QRICH1: variants seen among roughly 807,000 people sequenced by gnomAD.
QRICH1 encodes transcriptional regulator QRICH1.
In QRICH1, 16 loss-of-function variants were observed where a neutral mutation model predicts 87.1. The observed-to-expected ratio is 0.18, with a 90% CI of 0.12 to 0.28. The LOEUF is 0.28. Ranked by LOEUF, QRICH1 falls within the 10% of genes least tolerant of loss-of-function variation. QRICH1 has a pLI of 1.00. For synonymous variants in QRICH1, 367 were observed against 368.4 expected, an observed-to-expected ratio of 1.00 and a Z score of 0.05; for missense variants, 647 against 951.7, an observed-to-expected ratio of 0.68 and a Z score of 4.21.
chr3:49,056,756 G>GT, intron 3 of QRICH1, 106 bp downstream of exon 3: 1 of 1,525,396 alleles, frequency 6.6e-7, no homozygotes, highest in Non-Finnish European at 9.0e-7. Context: ...CTGCATCACT[G>GT]TAAGAGTAAC....
At chr3:49,083,689 T>C (rs1468057323) in intron 1 of QRICH1, among the ~76,000 whole-genome samples, 1 of 151,558 alleles carries the variant, frequency 6.6e-6, no homozygotes, top group African/African-American at 2.4e-5. Context: ...GATGGCTTGA[T>C]CCCAGCAGTT....
At chr3:49,067,930 G>A (rs1221271948) in intron 2 of QRICH1, among the ~76,000 whole-genome samples, 5 of 150,322 alleles carry the variant, frequency 3.3e-5, no homozygotes, top group African/African-American at 9.8e-5. Context: ...CAGCCCAGGC[G>A]ATAGAGCGAG....
At chr3:49,038,227 A>T (rs1490440164) in intron 6 of QRICH1, among the ~76,000 whole-genome samples, 1 of 151,082 alleles carries the variant, frequency 6.6e-6, no homozygotes, top group Non-Finnish European at 1.5e-5. Context: ...CGCCCAGCTA[A>T]TTTTTTTGTA....
chr3:49,065,422 A>C (rs2093462166), intron 2 of QRICH1, among the ~76,000 whole-genome samples: 1 of 152,222 alleles, frequency 6.6e-6, no homozygotes, highest in South Asian at 2.1e-4. Context: ...TTAGGATTAC[A>C]GGCGTAAGCC....
intron 1 of QRICH1, 63 bp downstream of exon 1, chr3:49,093,849 G>A (rs1419925019): frequency 2.7e-6 from 1 of 371,990 alleles, no homozygotes; most frequent in African/African-American, 2.1e-5. Flanking sequence ...CCGTTGTGTG[G>A]GGTGGGCCCC....
Position 49,094,052 on chromosome 3 carries a change from A to G in QRICH1, c.-162T>C, listed in dbSNP as rs567091032. ...CACAGCTCCCTGGGCGCCATCTTAC[A>G]TTCAACCCTCACAGCCAATAGGAGC... is the stretch of plus-strand genomic sequence containing the variant. On this transcript the variant is annotated 5_prime_UTR_variant, in exon 1 of 10. The change abolishes an upstream ATG in the 5' untranslated region. Coordinates refer to ENST00000395443, the MANE Select transcript of QRICH1 (RefSeq NM_198880.3). 55 of 398,558 alleles carry G rather than the reference A, an allele frequency of 1.4e-4. No individual in the cohort carries two copies. The highest frequency in any genetic ancestry group is 2.5e-4 in the South Asian group (2 of 7,876). The allele number at this position is 398,558 out of a possible 1,614,324, so 24.7% of individuals were successfully genotyped here.
intron 6 of QRICH1, among the ~76,000 whole-genome samples, chr3:49,037,170 G>A (rs923798195): frequency 7.2e-6 from 1 of 138,746 alleles, no homozygotes; most frequent in African/African-American, 2.7e-5. Flanking sequence ...AACCCATAAA[G>A]AATCAATGGA....
At chr3:49,069,543 A>AT (rs372639913) in intron 2 of QRICH1, among the ~76,000 whole-genome samples, 83,635 of 122,878 alleles carry the variant, frequency 0.68, 29,042 homozygotes, top group East Asian at 0.97. Flanking sequence ...ATGGGGGGGA[A>AT]TTTTTTTTTT....
chr3:49,091,373 A>G (rs969189361), intron 1 of QRICH1, among the ~76,000 whole-genome samples: 2 of 152,202 alleles, frequency 1.3e-5, no homozygotes, highest in Non-Finnish European at 2.9e-5. Flanking sequence ...AGTATAAACC[A>G]CAACTAATTA....
chr3:49,047,361 T>C, intron 3 of QRICH1, 115 bp from the exon 4 acceptor site: 1 of 1,009,302 alleles, frequency 9.9e-7, no homozygotes, highest in Non-Finnish European at 1.4e-6. Flanking sequence ...ATTTCTCTAC[T>C]CATTGCTGTC....
chr3:49,085,956 GAAATT>G (rs1216456369), intron 1 of QRICH1, among the ~76,000 whole-genome samples: 1 of 151,920 alleles, frequency 6.6e-6, no homozygotes, highest in Non-Finnish European at 1.5e-5. Flanking sequence ...AAGCAATAAA[GAAATT>G]AATTAAAGTA....
At chr3:49,090,628 C>CAA (rs35351750) in intron 1 of QRICH1, among the ~76,000 whole-genome samples, 23,527 of 119,180 alleles carry the variant, frequency 0.2, 2,799 homozygotes, top group Non-Finnish European at 0.27. Context: ...AACTCCATCT[C>CAA]AAAAAAAAAA....
At chr3:49,090,808 A>G (rs952416684) in intron 1 of QRICH1, among the ~76,000 whole-genome samples, 1 of 152,212 alleles carries the variant, frequency 6.6e-6, no homozygotes, top group Non-Finnish European at 1.5e-5. Context: ...CATCAATTTA[A>G]TAACAGAAAT....
Position 49,089,598 on chromosome 3 carries a change from A to G in QRICH1, c.-22+4314T>C, listed in dbSNP as rs1043910776. Among the ~76,000 whole-genome samples, 6 of 152,340 alleles carry G rather than the reference A, an allele frequency of 3.9e-5. No individual in the cohort carries two copies. In the South Asian group the frequency reaches 1.2e-3, roughly 32 times the overall value. On this transcript the variant is annotated intron_variant, in intron 1 of 9. Transcript: ENST00000395443. ...AAAGCTGGAAGCAACCCAGATATCT[A>G]TCAATAGTGGAATAGATAAATACCT...
chr3:49,074,951 C>A (rs1370650524), intron 2 of QRICH1, among the ~76,000 whole-genome samples: 1 of 152,076 alleles, frequency 6.6e-6, no homozygotes, highest in Admixed American at 6.6e-5. Context: ...TGCAGTCCAG[C>A]CTGGGCAACA....
chr3:49,054,489 A>G (rs1369944506), intron 3 of QRICH1, among the ~76,000 whole-genome samples: 5 of 89,656 alleles, frequency 5.6e-5, no homozygotes, highest in Non-Finnish European at 1.0e-4. Context: ...CCACCCCTCA[A>G]TACTAACTCC....
chr3:49,055,161 T>G (rs1317926383), intron 3 of QRICH1, among the ~76,000 whole-genome samples: 1 of 152,192 alleles, frequency 6.6e-6, no homozygotes, highest in East Asian at 1.9e-4. Flanking sequence ...CAATGTCACC[T>G]AGGATAATAT....
intron 2 of QRICH1, among the ~76,000 whole-genome samples, chr3:49,061,276 T>C (rs576175999): frequency 1.3e-5 from 2 of 151,698 alleles, no homozygotes; most frequent in Admixed American, 1.3e-4. Context: ...GCAAAAAACG[T>C]TGGGGACCAC....
chr3:49,085,728 G>A (rs1202895504), intron 1 of QRICH1, among the ~76,000 whole-genome samples: 13 of 150,964 alleles, frequency 8.6e-5, no homozygotes, highest in East Asian at 5.8e-4. Flanking sequence ...ACTGCACTCC[G>A]GCCTGGGCAA....
Sources: gnomAD v4.1 joint callset for allele counts (sites outside exome capture counted in the v4.1 genomes callset) on GRCh38, gnomAD v4.1.1 for gene constraint, MANE v1.5 for transcripts, NCBI Gene and HGNC (gene_info 2026-07-23, HGNC 2026-07-21) for gene names.